ACTR3C: variants seen among roughly 807,000 people sequenced by gnomAD.
ACTR3C encodes the protein actin related protein 3C.
A neutral mutation model predicts 26.3 loss-of-function variants in ACTR3C; 18 were observed. That is an observed-to-expected ratio of 0.68 (90% CI 0.47 to 1.01). The LOEUF (loss-of-function observed/expected upper bound fraction) is 1.01, where lower values mean the gene tolerates loss of function less well. Ranked by LOEUF, ACTR3C falls within the 50% of genes least tolerant of loss-of-function variation. ACTR3C has a pLI of 0.00. For synonymous variants in ACTR3C, 55 were observed against 94.5 expected (o/e 0.58, Z 2.42); for missense variants, 184 against 250.7 (o/e 0.73, Z 1.80).
At chr7:150,075,842 C>G in the ACTR3C span, among the ~76,000 whole-genome samples, 1 of 152,138 alleles carries the variant, frequency 6.6e-6, no homozygotes, top group South Asian at 2.1e-4. Flanking sequence ...ACTTTGGTAC[C>G]TGGCGAGAAA....
chr7:150,185,274 GGCGTGTGT>G, the ACTR3C span, among the ~76,000 whole-genome samples: 1,757 of 124,148 alleles, frequency 0.014, 13 homozygotes, highest in African/African-American at 0.046. Flanking sequence ...TTAAATGTCA[GGCGTGTGT>G]GTGTGTGTGT....
At chr7:150,320,362 G>A (rs759847414) in intron 1 of ACTR3C, among the ~76,000 whole-genome samples, 2 of 152,296 alleles carry the variant, frequency 1.3e-5, no homozygotes, top group East Asian at 1.9e-4. Flanking sequence ...GCTTGTGATC[G>A]GCTTGTGACA....
the ACTR3C span, among the ~76,000 whole-genome samples, chr7:150,172,960 C>T: frequency 2.7e-5 from 4 of 149,168 alleles, 1 homozygote; most frequent in African/African-American, 1.0e-4. Context: ...TTGGGCAGCT[C>T]CACTCCTGTC....
At chr7:150,216,230 T>C in the ACTR3C span, among the ~76,000 whole-genome samples, 34,488 of 152,126 alleles carry the variant, frequency 0.23, 6,223 homozygotes, top group African/African-American at 0.5. Flanking sequence ...AGAATTATTT[T>C]CAGGACCTAT....
the ACTR3C span, among the ~76,000 whole-genome samples, chr7:149,999,979 A>C: frequency 6.6e-6 from 1 of 150,496 alleles, no homozygotes; most frequent in Non-Finnish European, 1.5e-5. Context: ...GGAATAATAT[A>C]GAAAGAATAA....
the ACTR3C span, among the ~76,000 whole-genome samples, chr7:149,937,746 G>C: frequency 6.6e-6 from 1 of 152,172 alleles, no homozygotes; most frequent in Admixed American, 6.5e-5. Context: ...GGAGGGTCCG[G>C]GTGCGGGGAA....
At chr7:150,291,214 T>C (rs2129612953) in intron 3 of ACTR3C, among the ~76,000 whole-genome samples, 5 of 152,312 alleles carry the variant, frequency 3.3e-5, no homozygotes, top group African/African-American at 1.2e-4. Context: ...GCGGATCACC[T>C]GAAGTCGGCA....
chr7:149,924,652 G>C, the ACTR3C span, among the ~76,000 whole-genome samples: 1 of 151,808 alleles, frequency 6.6e-6, no homozygotes, highest in African/African-American at 2.4e-5. Flanking sequence ...TTGAGACAGC[G>C]TCTGGCTCTG....
chr7:150,106,878 T>C, the ACTR3C span, among the ~76,000 whole-genome samples: 1 of 146,424 alleles, frequency 6.8e-6, no homozygotes, highest in Non-Finnish European at 1.5e-5. Context: ...GTATTAACTG[T>C]GGTCTACTTT....
At position 150,250,349 on chromosome 7, in the gene ACTR3C, G is replaced by A. The variant is rs1242247521; in HGVS notation, c.565-1295C>T. On this transcript the variant is annotated intron_variant, in intron 6 of 7. Coordinates refer to ENST00000683684, the MANE Select transcript of ACTR3C (RefSeq NM_001164458.2). ...CTCCCGAGTAGCTGGGACCACAGGC[G>A]CCCGCCACTACACCCGGCTAATTTT... 1.5e-3 allele frequency among the ~76,000 whole-genome samples: 228 copies of A among 150,872 alleles called. 5 individuals carry two copies. The highest frequency in any genetic ancestry group is 5.5e-3 in the African/African-American group (224 of 40,910).
intron 1 of ACTR3C, among the ~76,000 whole-genome samples, chr7:150,316,506 T>TTTTG (rs1796913823): frequency 1.1e-5 from 1 of 91,306 alleles, no homozygotes; most frequent in Admixed American, 1.1e-4. Flanking sequence ...TTTTTTTTTT[T>TTTTG]GAGGCGGAGT....
chr7:150,047,671 C>T, the ACTR3C span: 16 of 1,052,874 alleles, frequency 1.5e-5, no homozygotes, highest in East Asian at 6.2e-5. Flanking sequence ...TCCGCGCCGC[C>T]GCCGCCGCCG....
chr7:150,146,531 C>T, the ACTR3C span, among the ~76,000 whole-genome samples: 1 of 152,198 alleles, frequency 6.6e-6, no homozygotes, highest in Non-Finnish European at 1.5e-5. Context: ...GAAACTTGCT[C>T]ATTATTCACC....
intron 3 of ACTR3C, among the ~76,000 whole-genome samples, chr7:150,292,501 T>A (rs1836346461): frequency 1.2e-5 from 1 of 85,252 alleles, no homozygotes; most frequent in African/African-American, 9.5e-5. Context: ...GGCTTTTAAA[T>A]TTTTTTTTTT....
chr7:150,026,926 A>G, the ACTR3C span, among the ~76,000 whole-genome samples: 12 of 152,272 alleles, frequency 7.9e-5, no homozygotes, highest in Middle Eastern at 3.4e-3. Context: ...TAATAGATGT[A>G]TCACAACTAT....
At chr7:150,141,445 A>C in the ACTR3C span, among the ~76,000 whole-genome samples, 1 of 152,012 alleles carries the variant, frequency 6.6e-6, no homozygotes, top group African/African-American at 2.4e-5. Flanking sequence ...CGAGCATGCT[A>C]TGTGCCAGGG....
chr7:150,191,768 G>A, the ACTR3C span, among the ~76,000 whole-genome samples: 1,084 of 151,976 alleles, frequency 7.1e-3, 10 homozygotes, highest in Middle Eastern at 0.01. Context: ...AATAATTTTC[G>A]TAACTAGGAC....
the ACTR3C span, among the ~76,000 whole-genome samples, chr7:150,035,914 G>A: frequency 2.2e-4 from 31 of 138,024 alleles, 3 homozygotes; most frequent in South Asian, 1.1e-3. Flanking sequence ...CACCCTCGCG[G>A]GGGGTGCCTC....
the ACTR3C span, among the ~76,000 whole-genome samples, chr7:150,016,081 A>G: frequency 3.9e-5 from 6 of 152,066 alleles, no homozygotes; most frequent in Non-Finnish European, 8.8e-5. Flanking sequence ...ACTGCTACCA[A>G]GCACACTCAT....
Sources: allele counts gnomAD v4.1 joint callset (sites outside exome capture counted in the v4.1 genomes callset), GRCh38; gene constraint gnomAD v4.1.1; transcripts MANE v1.5; gene names NCBI Gene and HGNC (gene_info 2026-07-23, HGNC 2026-07-21).